The following BBX variants were observed in gnomAD, a reference collection of about 807,000 sequenced individuals.
BBX encodes BBX high mobility group box domain containing, also known as HMG box transcription factor BBX.
In BBX, 30 loss-of-function variants were observed where a neutral mutation model predicts 100.2. The observed-to-expected ratio is 0.30, with a 90% CI of 0.22 to 0.41. The LOEUF (loss-of-function observed/expected upper bound fraction) is 0.41, where lower values mean the gene tolerates loss of function less well. Among genes scored for constraint, BBX ranks in the 10% least tolerant of loss-of-function variants. The pLI is 1.00. For synonymous variants in BBX, 376 were observed against 388.1 expected (o/e 0.97, Z 0.37); for missense variants, 1,023 against 1,129.8 (o/e 0.91, Z 1.35).
chr3:107,746,985 G>A (rs1490347936), intron 8 of BBX, among the ~76,000 whole-genome samples: 1 of 152,154 alleles, frequency 6.6e-6, no homozygotes, highest in Non-Finnish European at 1.5e-5. Context: ...TGATGCCCAG[G>A]CTTTCTGCTC....
intron 14 of BBX, among the ~76,000 whole-genome samples, chr3:107,790,538 ATCTTAAGATC>A (rs536399299): frequency 1.3e-3 from 194 of 152,258 alleles, no homozygotes; most frequent in African/African-American, 4.4e-3. Context: ...TTCAGGGCTC[ATCTTAAGATC>A]TCTTTCTTCC....
intron 3 of BBX, among the ~76,000 whole-genome samples, chr3:107,693,693 G>A (rs1469743418): frequency 6.6e-6 from 1 of 151,714 alleles, no homozygotes; most frequent in Non-Finnish European, 1.5e-5. Flanking sequence ...CTCTTTTTTG[G>A]TTCCATATGA....
At position 107,714,934 on chromosome 3, in the gene BBX, C is replaced by T. The variant is rs982923189; in HGVS notation, c.163-1673C>T. On this transcript the variant is annotated intron_variant, in intron 4 of 17. Coordinates refer to ENST00000325805, the MANE Select transcript of BBX (RefSeq NM_001142568.3). ...CCAAGTAGCTGGGACTACAGGCACGCGCCACCATGCCCAGCTAATTTTTGT... is the reference window on the plus strand; with the variant it reads ...CCAAGTAGCTGGGACTACAGGCACGTGCCACCATGCCCAGCTAATTTTTGT... Among the ~76,000 whole-genome samples, 3 of 151,974 alleles carry T rather than the reference C, an allele frequency of 2.0e-5. No homozygotes were observed. In the South Asian group the frequency reaches 6.2e-4, roughly 32 times the overall value.
chr3:107,738,742 C>T (rs751837985), intron 7 of BBX, among the ~76,000 whole-genome samples: 1 of 152,180 alleles, frequency 6.6e-6, no homozygotes, highest in Non-Finnish European at 1.5e-5. Context: ...GTGCTGCACC[C>T]TTACTGAAGC....
chr3:107,593,544 A>G (rs1014606527), intron 2 of BBX, among the ~76,000 whole-genome samples: 1 of 152,220 alleles, frequency 6.6e-6, no homozygotes, highest in South Asian at 2.1e-4. Context: ...AGTGCAACAC[A>G]GCATACTAGG....
At chr3:107,617,660 A>C (rs151285658) in intron 2 of BBX, among the ~76,000 whole-genome samples, 3 of 152,144 alleles carry the variant, frequency 2.0e-5, no homozygotes, top group East Asian at 1.9e-4. Context: ...TAGTGTCTAC[A>C]TGTTAAAATA....
At chr3:107,600,289 G>A (rs1213199752) in intron 2 of BBX, among the ~76,000 whole-genome samples, 1 of 152,160 alleles carries the variant, frequency 6.6e-6, no homozygotes, top group African/African-American at 2.4e-5. Flanking sequence ...CTGTATATTG[G>A]TTACTAAGAA....
chr3:107,702,611 C>T (rs1453826475), intron 3 of BBX, among the ~76,000 whole-genome samples: 1 of 152,168 alleles, frequency 6.6e-6, no homozygotes, highest in Non-Finnish European at 1.5e-5. Flanking sequence ...AAGCATCTGG[C>T]ATGTTCATTA....
Position 107,809,587 on chromosome 3 carries a change from T to C in BBX, c.*4130T>C, listed in dbSNP as rs2071211190. On this transcript the variant is annotated 3_prime_UTR_variant, in exon 18 of 18. Transcript: ENST00000325805. ...AAGTCCTGTTTCAAAAGTTTGTCTT[T>C]TTTTGCTTCTACCTTCAGTGCCACT... The C allele has an allele frequency of 1.3e-5, 2 of 152,372 alleles. No homozygotes were observed. Among genetic ancestry groups the C allele is most frequent in the South Asian group, 2.1e-4 (1 of 4,824 alleles). 9.4% of individuals were successfully genotyped at this position (152,372 alleles called of 1,614,324 possible). A position where few individuals can be genotyped will look rare whatever the true frequency, so the allele number is the denominator to read the frequency against.
intron 2 of BBX, among the ~76,000 whole-genome samples, chr3:107,548,294 A>G (rs1319377812): frequency 6.6e-6 from 1 of 152,206 alleles, no homozygotes; most frequent in Non-Finnish European, 1.5e-5. Flanking sequence ...CTAGTCATAA[A>G]TTTATACTCT....
chr3:107,662,459 C>A (rs898418755), intron 3 of BBX: 1 of 151,984 alleles, frequency 6.6e-6, no homozygotes, highest in African/African-American at 2.4e-5. Context: ...TTGAGACTTT[C>A]CATAAACATA....
At chr3:107,532,410 A>T (rs527462234) in intron 2 of BBX, among the ~76,000 whole-genome samples, 1 of 152,232 alleles carries the variant, frequency 6.6e-6, no homozygotes, top group Non-Finnish European at 1.5e-5. Context: ...TAATAAACAC[A>T]TGGAAAATTG....
At chr3:107,722,614 A>G (rs1185636568) in intron 5 of BBX, among the ~76,000 whole-genome samples, 1 of 152,018 alleles carries the variant, frequency 6.6e-6, no homozygotes, top group Non-Finnish European at 1.5e-5. Flanking sequence ...CACATATTCA[A>G]ACCACTTTTT....
chr3:107,534,213 A>C (rs2048344433), intron 2 of BBX, among the ~76,000 whole-genome samples: 1 of 152,226 alleles, frequency 6.6e-6, no homozygotes, highest in Non-Finnish European at 1.5e-5. Flanking sequence ...CAGATTAAGT[A>C]ATTCAGAGGG....
At chr3:107,644,859 G>C (rs566437665) in intron 2 of BBX, among the ~76,000 whole-genome samples, 8 of 152,146 alleles carry the variant, frequency 5.3e-5, no homozygotes, top group African/African-American at 1.9e-4. Flanking sequence ...ATTCTAGATA[G>C]GATTACTCAG....
intron 3 of BBX, among the ~76,000 whole-genome samples, chr3:107,656,767 C>T (rs921872843): frequency 6.6e-6 from 1 of 152,128 alleles, no homozygotes; most frequent in African/African-American, 2.4e-5. Flanking sequence ...CAAGGCAGTG[C>T]GTTACACACT....
Position 107,614,229 on chromosome 3 carries a change from C to T in BBX, c.-83-31607C>T, listed in dbSNP as rs145892538. Among the ~76,000 whole-genome samples the T allele has an allele frequency of 8.6e-3, 1,306 of 152,022 alleles. 25 individuals are homozygous for T. Among genetic ancestry groups the T allele is most frequent in the African/African-American group, 0.03 (1,242 of 41,490 alleles). On this transcript the variant is annotated intron_variant, in intron 2 of 17. Transcript: ENST00000325805. ...CCTCCCAAAGTGCTGGGATTATAGG[C>T]GTGAGCCACCGTGCCCTGCCCATGT... is the stretch of plus-strand genomic sequence containing the variant.
intron 2 of BBX, among the ~76,000 whole-genome samples, chr3:107,586,021 TG>T (rs1378171043): frequency 1.3e-5 from 2 of 152,192 alleles, no homozygotes; most frequent in Non-Finnish European, 2.9e-5. Flanking sequence ...TGTTTTCTGA[TG>T]TTCTTTCATA....
chr3:107,736,747 T>C (rs2063658122), intron 7 of BBX, among the ~76,000 whole-genome samples: 1 of 152,120 alleles, frequency 6.6e-6, no homozygotes, highest in Non-Finnish European at 1.5e-5. Flanking sequence ...ATGTCATGTA[T>C]ACAACAACTT....
Sources: allele counts gnomAD v4.1 joint callset (sites outside exome capture counted in the v4.1 genomes callset), GRCh38; gene constraint gnomAD v4.1.1; transcripts MANE v1.5; gene names NCBI Gene and HGNC (gene_info 2026-07-23, HGNC 2026-07-21).